Variants in ATXN7L1 observed in about 807,000 individuals in gnomAD.
ATXN7L1 encodes the protein ataxin-7-like protein 1.
Under a neutral mutation model 70.8 loss-of-function variants are expected in ATXN7L1, and 15 were observed. The ratio of observed to expected loss-of-function variants is 0.21; its 90% CI spans 0.14 to 0.33. The LOEUF is 0.33. Among genes scored for constraint, ATXN7L1 ranks in the 10% least tolerant of loss-of-function variants. ATXN7L1 has a pLI of 1.00. For missense variants in ATXN7L1, 975 were observed against 1,097.1 expected (o/e 0.89, Z 1.57); for synonymous variants, 440 against 445.1 (o/e 0.99, Z 0.14).
chr7:105,610,414 A>T, intron 11 of ATXN7L1, 115 bp downstream of exon 11: 1 of 943,302 alleles, frequency 1.1e-6, no homozygotes, highest in Non-Finnish European at 1.6e-6. Context: ...CCAGGTAGCC[A>T]TGCTCTTAAC....
chr7:105,832,649 C>G (rs1011032069), intron 2 of ATXN7L1, among the ~76,000 whole-genome samples: 1 of 152,194 alleles, frequency 6.6e-6, no homozygotes, highest in African/African-American at 2.4e-5. Context: ...CCAGCCACTG[C>G]CTGCCTGACT....
chr7:105,715,216 A>T (rs1794395962), intron 3 of ATXN7L1, among the ~76,000 whole-genome samples: 1 of 152,220 alleles, frequency 6.6e-6, no homozygotes, highest in Non-Finnish European at 1.5e-5. Context: ...AACCAGCTCC[A>T]GCAGAAGGTA....
chr7:105,774,353 C>CT (rs34037396), intron 3 of ATXN7L1, among the ~76,000 whole-genome samples: 73,751 of 135,318 alleles, frequency 0.55, 20,857 homozygotes, highest in East Asian at 0.7. Context: ...GCCAGCAACC[C>CT]TTTTTTTTTT....
chr7:105,843,844 T>C (rs940419516), intron 2 of ATXN7L1, among the ~76,000 whole-genome samples: 2 of 152,210 alleles, frequency 1.3e-5, no homozygotes, highest in Non-Finnish European at 2.9e-5. Flanking sequence ...TCCATTACTG[T>C]GTAAAAAGCT....
intron 3 of ATXN7L1, among the ~76,000 whole-genome samples, chr7:105,697,183 T>C (rs1420229910): frequency 6.6e-6 from 1 of 152,204 alleles, no homozygotes; most frequent in Non-Finnish European, 1.5e-5. Flanking sequence ...AGACAGGGTT[T>C]TGAGATCAAC....
intron 3 of ATXN7L1, among the ~76,000 whole-genome samples, chr7:105,673,179 C>T (rs140740998): frequency 8.3e-4 from 127 of 152,342 alleles, no homozygotes; most frequent in African/African-American, 2.9e-3. Context: ...CAGGCAATCC[C>T]ATTTCAGTAA....
intron 3 of ATXN7L1, among the ~76,000 whole-genome samples, chr7:105,713,397 T>C (rs1382785931): frequency 6.6e-6 from 1 of 152,156 alleles, no homozygotes; most frequent in Non-Finnish European, 1.5e-5. Flanking sequence ...CGGGAATGGC[T>C]GTGTTATATG....
chr7:105,810,817 C>T (rs1265351684), intron 2 of ATXN7L1, among the ~76,000 whole-genome samples: 1 of 152,332 alleles, frequency 6.6e-6, no homozygotes, highest in South Asian at 2.1e-4. Flanking sequence ...GTGACATGAA[C>T]TGATACTTGG....
intron 3 of ATXN7L1, chr7:105,788,349 G>A: frequency 2.4e-6 from 1 of 418,920 alleles, no homozygotes; most frequent in Non-Finnish European, 4.4e-6. Context: ...CTGGGCAGAT[G>A]GCTTCAGTCT....
chr7:105,642,242 A>C (rs1283679117), intron 5 of ATXN7L1, among the ~76,000 whole-genome samples: 3 of 152,182 alleles, frequency 2.0e-5, no homozygotes, highest in Non-Finnish European at 2.9e-5. Flanking sequence ...GACCCACAAG[A>C]GACCGCCCCA....
intron 4 of ATXN7L1, among the ~76,000 whole-genome samples, chr7:105,648,432 G>T (rs1338307594): frequency 6.6e-6 from 1 of 152,202 alleles, no homozygotes; most frequent in African/African-American, 2.4e-5. Flanking sequence ...TAGCCATCGG[G>T]CCAGCCTTTC....
chr7:105,838,746 C>T (rs1023677366), intron 2 of ATXN7L1, among the ~76,000 whole-genome samples: 1 of 152,178 alleles, frequency 6.6e-6, no homozygotes, highest in African/African-American at 2.4e-5. Context: ...AACAAGGGCC[C>T]AGAGCAACGT....
chr7:105,778,525 A>AAAAAC (rs1803079276), intron 3 of ATXN7L1, among the ~76,000 whole-genome samples: 23 of 108,402 alleles, frequency 2.1e-4, no homozygotes, highest in African/African-American at 6.5e-4. Flanking sequence ...AAAAAAAAAA[A>AAAAAC]AAAAAAAAAA....
chr7:105,771,902 C>A (rs1802064505), intron 3 of ATXN7L1, among the ~76,000 whole-genome samples: 1 of 151,708 alleles, frequency 6.6e-6, no homozygotes. Context: ...GAAAATTGTA[C>A]TAATCTAATG....
intron 3 of ATXN7L1, among the ~76,000 whole-genome samples, chr7:105,763,964 C>T (rs1195865316): frequency 6.6e-6 from 1 of 152,092 alleles, no homozygotes; most frequent in Non-Finnish European, 1.5e-5. Flanking sequence ...AGTGATTCTC[C>T]TGCCCTAGCC....
At chr7:105,732,527 C>T (rs1183493925) in intron 3 of ATXN7L1, among the ~76,000 whole-genome samples, 1 of 152,026 alleles carries the variant, frequency 6.6e-6, no homozygotes, top group East Asian at 1.9e-4. Flanking sequence ...GAAATAAATT[C>T]ATAGTTTGAT....
At chr7:105,818,302 T>TG (rs1222812285) in intron 2 of ATXN7L1, among the ~76,000 whole-genome samples, 1 of 152,170 alleles carries the variant, frequency 6.6e-6, no homozygotes, top group Non-Finnish European at 1.5e-5. Context: ...CCTGAGTGGC[T>TG]GGGGCTACAG....
At chr7:105,854,165 TC>T (rs35168996) in intron 2 of ATXN7L1, among the ~76,000 whole-genome samples, 9,419 of 152,192 alleles carry the variant, frequency 0.062, 568 homozygotes, top group East Asian at 0.25. Context: ...ATAAATCCTT[TC>T]CCACAAAGCA....
intron 2 of ATXN7L1, among the ~76,000 whole-genome samples, chr7:105,839,247 T>G (rs760534478): frequency 1.1e-4 from 17 of 151,022 alleles, no homozygotes; most frequent in Non-Finnish European, 2.4e-4. Context: ...AAAAAAAGCT[T>G]GTGGATTTTG....
Sources: allele counts gnomAD v4.1 joint callset (sites outside exome capture counted in the v4.1 genomes callset), GRCh38; gene constraint gnomAD v4.1.1; transcripts MANE v1.5; gene names NCBI Gene and HGNC (gene_info 2026-07-23, HGNC 2026-07-21).